The following NELL1 variants were observed in gnomAD, a reference collection of about 807,000 sequenced individuals.
NELL1 encodes the protein protein kinase C-binding protein NELL1.
NELL1 carries 76 observed loss-of-function variants against 107.4 expected under a neutral mutation model. That is an observed-to-expected ratio of 0.71 (90% CI 0.59 to 0.86). The LOEUF is 0.86. Ranked by LOEUF, NELL1 falls within the 40% of genes least tolerant of loss-of-function variation. The pLI, the probability that NELL1 is intolerant of heterozygous loss-of-function variation, is 0.00. For synonymous variants in NELL1, 353 were observed against 341.2 expected (o/e 1.03, Z -0.38); for missense variants, 1,024 against 1,005.5 (o/e 1.02, Z -0.25).
chr11:21,269,088 G>T (rs1437088615), intron 14 of NELL1, among the ~76,000 whole-genome samples: 1 of 151,530 alleles, frequency 6.6e-6, no homozygotes, highest in African/African-American at 2.4e-5. Context: ...ATATATTAAT[G>T]GAAACTTCTA....
At chr11:20,817,855 T>G (rs1169067407) in intron 3 of NELL1, among the ~76,000 whole-genome samples, 1 of 152,052 alleles carries the variant, frequency 6.6e-6, no homozygotes, top group Non-Finnish European at 1.5e-5. Flanking sequence ...GATTTCTGCC[T>G]TGTTTTAATT....
At chr11:21,566,703 TATC>T (rs1856982273) in intron 17 of NELL1, among the ~76,000 whole-genome samples, 1 of 150,092 alleles carries the variant, frequency 6.7e-6, no homozygotes, top group Non-Finnish European at 1.5e-5. Flanking sequence ...AAGGATTACT[TATC>T]ATCAGTGAGC....
chr11:21,091,180 C>A (rs1233796455), intron 12 of NELL1, among the ~76,000 whole-genome samples: 1 of 152,138 alleles, frequency 6.6e-6, no homozygotes, highest in Non-Finnish European at 1.5e-5. Flanking sequence ...CTCTGAAGAT[C>A]TTTTCTGGAG....
At chr11:20,739,937 T>C (rs1489474609) in intron 2 of NELL1, among the ~76,000 whole-genome samples, 1 of 152,222 alleles carries the variant, frequency 6.6e-6, no homozygotes, top group Non-Finnish European at 1.5e-5. Flanking sequence ...GCCATCGTTA[T>C]ACCAGGAGGA....
chr11:20,705,081 T>C (rs1050933674), intron 2 of NELL1, among the ~76,000 whole-genome samples: 4 of 152,152 alleles, frequency 2.6e-5, no homozygotes, highest in Non-Finnish European at 4.4e-5. Flanking sequence ...AAAATGGCCA[T>C]ACTGCCCAAG....
At chr11:21,484,636 A>G (rs773873621) in intron 15 of NELL1, among the ~76,000 whole-genome samples, 2 of 150,404 alleles carry the variant, frequency 1.3e-5, no homozygotes, top group Non-Finnish European at 2.9e-5. Context: ...ATACATATAT[A>G]TGTGTTATAT....
chr11:21,570,894 G>T lies in NELL1; in HGVS notation c.2111G>T (p.Arg704Leu). 5 of 1,611,816 alleles carry T rather than the reference G, an allele frequency of 3.1e-6. No homozygotes were observed. Among genetic ancestry groups the T allele is most frequent in the Non-Finnish European group, 4.2e-6 (5 of 1,178,578 alleles). ...CLDQNGHKLY[R>L]SGDNWTHSCQ... ...GACCAAAATGGTCACAAGCTGTATC[G>T]AAGTGGAGACAATTGGACCCATAGC... Residue 704 changes from arginine to leucine, a missense_variant, in exon 18 of 20, where the codon CGA (arginine) becomes CTA (leucine). Physicochemically the swap from Arg to Leu is moderately radical, Grantham distance 102. Transcript: ENST00000357134.
At chr11:21,335,841 A>C (rs908828153) in intron 14 of NELL1, among the ~76,000 whole-genome samples, 3 of 152,070 alleles carry the variant, frequency 2.0e-5, no homozygotes, top group African/African-American at 7.2e-5. Context: ...TTTATAAATC[A>C]TCTCTGTTTG....
chr11:21,202,794 A>G (rs1163925506), intron 13 of NELL1, among the ~76,000 whole-genome samples: 3 of 152,158 alleles, frequency 2.0e-5, no homozygotes, highest in Non-Finnish European at 4.4e-5. Flanking sequence ...ACACTGCTTT[A>G]GCTGTGTCCC....
chr11:21,037,641 CCAAA>C (rs1386072594), intron 12 of NELL1, among the ~76,000 whole-genome samples: 6 of 152,082 alleles, frequency 3.9e-5, no homozygotes, highest in Non-Finnish European at 7.4e-5. Flanking sequence ...CTCTGCTTTC[CCAAA>C]CAGTCATCGA....
At position 21,524,231 on chromosome 11, in the gene NELL1, C is replaced by T. The variant is rs1222471692; in HGVS notation, c.1646-10143C>T. Among the ~76,000 whole-genome samples, 4 of 152,164 alleles carry T rather than the reference C, an allele frequency of 2.6e-5. No individual in the cohort carries two copies. The East Asian group carries it at 7.7e-4, about 29-fold the overall frequency. On this transcript the variant is annotated intron_variant, in intron 15 of 19. Transcript: ENST00000357134. Reference sequence around the variant, plus strand: ...TGGGTATGTTATTTAAACATGTACACCTCCATTTTCAGTAAAATTAGAGCA... The same window carrying T: ...TGGGTATGTTATTTAAACATGTACATCTCCATTTTCAGTAAAATTAGAGCA...
At chr11:21,241,635 A>T (rs960153639) in intron 14 of NELL1, among the ~76,000 whole-genome samples, 1 of 152,134 alleles carries the variant, frequency 6.6e-6, no homozygotes, top group Non-Finnish European at 1.5e-5. Flanking sequence ...TGCTAACTGT[A>T]GTCTTTCTGC....
intron 14 of NELL1, among the ~76,000 whole-genome samples, chr11:21,248,680 G>A (rs779213070): frequency 6.6e-6 from 1 of 152,130 alleles, no homozygotes; most frequent in Non-Finnish European, 1.5e-5. Flanking sequence ...TTACCCTGCT[G>A]CTAAATGTTT....
At chr11:21,012,034 G>A (rs972000878) in intron 12 of NELL1, among the ~76,000 whole-genome samples, 8 of 152,134 alleles carry the variant, frequency 5.3e-5, no homozygotes, top group Admixed American at 3.3e-4. Context: ...GCACCATGCT[G>A]AGAGCACTTT....
intron 13 of NELL1, among the ~76,000 whole-genome samples, chr11:21,206,678 G>A (rs12224736): frequency 0.066 from 10,093 of 152,106 alleles, 568 homozygotes; most frequent in East Asian, 0.27. Flanking sequence ...CACTGATGAA[G>A]GGGGAGGAAA....
intron 3 of NELL1, among the ~76,000 whole-genome samples, chr11:20,796,414 C>A (rs772926432): frequency 2.6e-4 from 40 of 152,052 alleles, no homozygotes; most frequent in Admixed American, 1.2e-3. Flanking sequence ...TTGTTGAAGC[C>A]ATGTAACTTT....
intron 13 of NELL1, among the ~76,000 whole-genome samples, chr11:21,214,654 T>C (rs1183121597): frequency 6.6e-6 from 1 of 152,146 alleles, no homozygotes. Flanking sequence ...CTAAACATGT[T>C]CTTACCAGAT....
Position 21,132,485 on chromosome 11 carries a change from C to T in NELL1, c.1426+18771C>T, listed in dbSNP as rs573899911. 5.3e-5 allele frequency among the ~76,000 whole-genome samples: 8 copies of T among 152,308 alleles called. No individual in the cohort carries two copies. The East Asian group carries it at 9.7e-4, about 18-fold the overall frequency. On this transcript the variant is annotated intron_variant, in intron 13 of 19. Coordinates refer to ENST00000357134, the MANE Select transcript of NELL1 (RefSeq NM_006157.5). ...TGAGGGATGTGTGAGCAAGTGAGCA[C>T]ACAGTCCAGGCACTGCACACAGCCA...
At chr11:21,275,910 A>T (rs866667683) in intron 14 of NELL1, among the ~76,000 whole-genome samples, 1 of 152,212 alleles carries the variant, frequency 6.6e-6, no homozygotes, top group African/African-American at 2.4e-5. Context: ...TCAAAATAAT[A>T]AGAGCTATCT....
Sources: allele counts gnomAD v4.1 joint callset (sites outside exome capture counted in the v4.1 genomes callset), GRCh38; gene constraint gnomAD v4.1.1; transcripts MANE v1.5; gene names NCBI Gene and HGNC (gene_info 2026-07-23, HGNC 2026-07-21).